RORA: variants seen among roughly 807,000 people sequenced by gnomAD.
RORA encodes the protein RAR related orphan receptor A.
A neutral mutation model predicts 69.5 loss-of-function variants in RORA; 7 were observed. The observed-to-expected ratio is 0.10, with a 90% CI of 0.06 to 0.19. RORA has a LOEUF of 0.19. Among genes scored for constraint, RORA ranks in the 10% least tolerant of loss-of-function variants. The probability of loss-of-function intolerance (pLI) is 1.00; values close to 1 mark genes in which losing one functional copy is unlikely to be tolerated. For synonymous variants in RORA, 261 were observed against 240.8 expected (o/e 1.08, Z -0.78); for missense variants, 457 against 663.0 (o/e 0.69, Z 3.41).
At chr15:60,634,971 G>A (rs538541365) in intron 2 of RORA, among the ~76,000 whole-genome samples, 15 of 152,302 alleles carry the variant, frequency 9.8e-5, no homozygotes, top group Non-Finnish European at 1.8e-4. Flanking sequence ...GTTTCTAAGC[G>A]ATTAACGGTT....
At chr15:60,696,265 A>C (rs1367429988) in intron 1 of RORA, among the ~76,000 whole-genome samples, 1 of 152,166 alleles carries the variant, frequency 6.6e-6, no homozygotes, top group South Asian at 2.1e-4. Flanking sequence ...CACGGAGCCG[A>C]GTAAAATATG....
At chr15:60,972,807 T>TC (rs1893758020) in intron 1 of RORA, among the ~76,000 whole-genome samples, 1 of 152,200 alleles carries the variant, frequency 6.6e-6, no homozygotes, top group Admixed American at 6.5e-5. Context: ...TGTTGATTCG[T>TC]CAGCATAAGG....
rs1326529012 is a variant in RORA, at chr15:60,873,277, CTGTGTGTGTGTGT to C, written c.167-194604_167-194592del. Among the ~76,000 whole-genome samples the C allele has an allele frequency of 4.6e-5, 6 of 129,600 alleles. No homozygotes were observed. In the East Asian group the frequency reaches 1.0e-3, roughly 22 times the overall value. 85.0% of individuals were successfully genotyped at this position (129,600 alleles called of 152,430 possible). Reference sequence around the variant, plus strand: ...TGTGTGTGTGTCTGTGTGTGTGTGTCTGTGTGTGTGTGTCTGTGTGTATGTGTGCAAGTTATCT... The same window carrying C: ...TGTGTGTGTGTCTGTGTGTGTGTGTCCTGTGTGTATGTGTGCAAGTTATCT... On this transcript the variant is annotated intron_variant, in intron 1 of 10. Transcript: ENST00000335670.
chr15:60,534,655 C>G lies in RORA; in HGVS notation c.197-2804G>C, dbSNP rs958056976. Among the ~76,000 whole-genome samples, 3 of 152,088 alleles carry G rather than the reference C, an allele frequency of 2.0e-5. No individual in the cohort carries two copies. Among genetic ancestry groups the G allele is most frequent in the Non-Finnish European group, 4.4e-5 (3 of 68,006 alleles). On this transcript the variant is annotated intron_variant, in intron 2 of 10. Coordinates refer to ENST00000335670, the MANE Select transcript of RORA (RefSeq NM_134261.3). The surrounding 1 kb of genome is among the most constrained non-coding windows in gnomAD (Gnocchi z 5.0). ...AGGTATTCTGATTGGTTAAACTATT[C>G]TCCTAGGCTTCCTCCTGCTTGGTTC...
chr15:60,939,326 C>G (rs1892618298), intron 1 of RORA, among the ~76,000 whole-genome samples: 1 of 152,156 alleles, frequency 6.6e-6, no homozygotes, highest in Non-Finnish European at 1.5e-5. Flanking sequence ...CCAGCCTTGT[C>G]CAGATTCTCT....
intron 1 of RORA, among the ~76,000 whole-genome samples, chr15:60,715,205 T>C (rs1347826691): frequency 6.6e-6 from 1 of 152,194 alleles, no homozygotes; most frequent in Non-Finnish European, 1.5e-5. Context: ...GTGTCATCAT[T>C]TCCATGGGAA....
intron 8 of RORA, 92 bp from the exon 9 acceptor site, chr15:60,501,161 T>G: frequency 1.6e-6 from 1 of 636,694 alleles, no homozygotes; most frequent in East Asian, 2.5e-5. Context: ...TTCTCCTAAG[T>G]CCAATAGAAG....
rs1383139579 is a variant in RORA at position 61,098,173 on chromosome 15, C to T, written c.166+130880G>A. ...CCTCCCTCCCTTCCTTCCTTTCCCCCTTCCCTGCCTCCCTCCCTGTCTCCT... is the reference window on the plus strand; with the variant it reads ...CCTCCCTCCCTTCCTTCCTTTCCCCTTTCCCTGCCTCCCTCCCTGTCTCCT... On this transcript the variant is annotated intron_variant, in intron 1 of 10. Coordinates refer to ENST00000335670, the MANE Select transcript of RORA (RefSeq NM_134261.3). Among the ~76,000 whole-genome samples, 7 of 137,126 alleles carry T rather than the reference C, an allele frequency of 5.1e-5. No homozygotes were observed. In the Admixed American group the frequency reaches 5.1e-4, roughly 10 times the overall value. 90.0% of individuals were successfully genotyped at this position (137,126 alleles called of 152,430 possible). A position where few individuals can be genotyped will look rare whatever the true frequency, so the allele number is the denominator to read the frequency against.
At chr15:60,601,334 T>C (rs1427068457) in intron 2 of RORA, among the ~76,000 whole-genome samples, 1 of 152,222 alleles carries the variant, frequency 6.6e-6, no homozygotes, top group African/African-American at 2.4e-5. Context: ...AAACATACTG[T>C]ACATGGTTGT....
At chr15:60,923,986 G>A (rs571459867) in intron 1 of RORA, among the ~76,000 whole-genome samples, 9 of 152,308 alleles carry the variant, frequency 5.9e-5, no homozygotes, top group Admixed American at 2.6e-4. Context: ...GTGTGAGCAC[G>A]GGGCAGTGTG....
chr15:61,088,410 A>G (rs1375386093), intron 1 of RORA, among the ~76,000 whole-genome samples: 1 of 152,224 alleles, frequency 6.6e-6, no homozygotes, highest in African/African-American at 2.4e-5. Context: ...CAGCTGCAAG[A>G]AACGGGATGA....
At position 61,169,742 on chromosome 15, in the gene RORA, C is replaced by A. The variant is rs74018511; in HGVS notation, c.166+59311G>T. ...GCCACTTCCTGTTTTTCCTTCAAAC[C>A]CCCCAGCAACTGTCTTCCTTACAAA... On this transcript the variant is annotated intron_variant, in intron 1 of 10. Coordinates refer to ENST00000335670, the MANE Select transcript of RORA (RefSeq NM_134261.3). Among the ~76,000 whole-genome samples, 788 of 151,202 alleles carry A rather than the reference C, an allele frequency of 5.2e-3. 4 individuals are homozygous for A. Among genetic ancestry groups the A allele is most frequent in the African/African-American group, 0.018 (764 of 41,318 alleles).
At chr15:60,867,513 G>T (rs567473922) in intron 1 of RORA, among the ~76,000 whole-genome samples, 28 of 152,218 alleles carry the variant, frequency 1.8e-4, no homozygotes, top group African/African-American at 6.8e-4. Context: ...GAGAGCAGTA[G>T]CAGAGAATCT....
chr15:60,615,699 T>C (rs1005477165), intron 2 of RORA, among the ~76,000 whole-genome samples: 1 of 152,226 alleles, frequency 6.6e-6, no homozygotes, highest in African/African-American at 2.4e-5. Context: ...AAAACCTTTG[T>C]GCGCTGCTGA....
chr15:60,626,685 G>A (rs1826128610), intron 2 of RORA, among the ~76,000 whole-genome samples: 1 of 152,078 alleles, frequency 6.6e-6, no homozygotes, highest in Admixed American at 6.5e-5. Flanking sequence ...ACCAGAGTGG[G>A]TGGGCCGCAC....
chr15:60,796,947 A>G lies in RORA; in HGVS notation c.167-118261T>C, dbSNP rs190150021. ...AAAGAAGCCAGTCACAAAAGGCCAC[A>G]TAATATATTATTCCATTTATACAAA... On this transcript the variant is annotated intron_variant, in intron 1 of 10. Transcript: ENST00000335670. Among the ~76,000 whole-genome samples the G allele has an allele frequency of 8.1e-4, 122 of 151,192 alleles. 3 individuals carry two copies. In the East Asian group the frequency reaches 0.02, roughly 25 times the overall value.
At chr15:61,115,340 A>G (rs2079041664) in intron 1 of RORA, among the ~76,000 whole-genome samples, 1 of 152,154 alleles carries the variant, frequency 6.6e-6, no homozygotes, top group African/African-American at 2.4e-5. Flanking sequence ...GAAAACCCAC[A>G]TGAGGTCTCC....
intron 1 of RORA, among the ~76,000 whole-genome samples, chr15:61,219,810 T>C (rs1349641524): frequency 6.6e-6 from 1 of 152,160 alleles, no homozygotes; most frequent in Non-Finnish European, 1.5e-5. Flanking sequence ...TTTAGTCTAA[T>C]AAAATACGAC....
intron 1 of RORA, among the ~76,000 whole-genome samples, chr15:60,952,242 G>A (rs527958126): frequency 0.084 from 12,810 of 151,638 alleles, 684 homozygotes; most frequent in Middle Eastern, 0.18. Flanking sequence ...ATTCAACAAC[G>A]CTTCAGGCTA....
Sources: allele counts gnomAD v4.1 joint callset (sites outside exome capture counted in the v4.1 genomes callset), GRCh38; gene constraint gnomAD v4.1.1; non-coding constraint Gnocchi (gnomAD v3.1); transcripts MANE v1.5; gene names NCBI Gene and HGNC (gene_info 2026-07-23, HGNC 2026-07-21).